Variants in PRKCE observed in about 807,000 individuals in gnomAD.
PRKCE encodes protein kinase C epsilon.
In PRKCE, 16 loss-of-function variants were observed where a neutral mutation model predicts 85.4. The observed-to-expected ratio is 0.19, with a 90% confidence interval of 0.13 to 0.28. The LOEUF (loss-of-function observed/expected upper bound fraction) is 0.28, where lower values mean the gene tolerates loss of function less well. Among genes scored for constraint, PRKCE ranks in the 10% least tolerant of loss-of-function variants. PRKCE has a pLI of 1.00. For missense variants in PRKCE, 573 were observed against 975.2 expected (o/e 0.59, Z 5.49); for synonymous variants, 388 against 371.5 (o/e 1.04, Z -0.51).
intron 11 of PRKCE, among the ~76,000 whole-genome samples, chr2:46,144,635 G>A (rs1675889602): frequency 6.6e-6 from 1 of 152,186 alleles, no homozygotes; most frequent in African/African-American, 2.4e-5. Flanking sequence ...CTCTCATAGT[G>A]TTCTATAAAG....
At chr2:46,070,325 A>G (rs1447740289) in intron 10 of PRKCE, among the ~76,000 whole-genome samples, 1 of 152,216 alleles carries the variant, frequency 6.6e-6, no homozygotes, top group Admixed American at 6.5e-5. Context: ...AGCCTCAAGC[A>G]CCTTCATTTT....
intron 1 of PRKCE, among the ~76,000 whole-genome samples, chr2:45,723,655 AGTGCAGTGGC>A (rs1348482081): frequency 6.6e-6 from 1 of 152,080 alleles, no homozygotes; most frequent in Non-Finnish European, 1.5e-5. Context: ...CCCAGGCTGG[AGTGCAGTGGC>A]GCGATCTCGG....
chr2:45,896,519 C>G (rs1188824997), intron 2 of PRKCE, among the ~76,000 whole-genome samples: 1 of 152,156 alleles, frequency 6.6e-6, no homozygotes. Flanking sequence ...CTTCTCTTTT[C>G]TGACTTTTAT....
intron 2 of PRKCE, among the ~76,000 whole-genome samples, chr2:45,949,377 G>A (rs1163997888): frequency 1.4e-5 from 2 of 143,920 alleles, no homozygotes; most frequent in East Asian, 2.0e-4. Flanking sequence ...ACTATTGGCC[G>A]ATGAATTGTT....
intron 1 of PRKCE, among the ~76,000 whole-genome samples, chr2:45,821,030 A>T (rs570928198): frequency 6.6e-6 from 1 of 152,262 alleles, no homozygotes; most frequent in Non-Finnish European, 1.5e-5. Flanking sequence ...TTTGAGCCCC[A>T]AGGGTCAGGG....
intron 1 of PRKCE, among the ~76,000 whole-genome samples, chr2:45,716,126 C>T (rs1558588621): frequency 6.6e-6 from 1 of 152,202 alleles, no homozygotes; most frequent in Admixed American, 6.5e-5. Context: ...AATAGGGGCC[C>T]AGGCAGAACT....
chr2:46,048,637 G>A (rs1239166199), intron 10 of PRKCE, among the ~76,000 whole-genome samples: 3 of 152,166 alleles, frequency 2.0e-5, no homozygotes, highest in Non-Finnish European at 4.4e-5. Context: ...AGGGGGAGAC[G>A]GATGATAGCT....
In PRKCE at chr2:45,971,099, C is replaced by T. The variant is rs151145835; in HGVS notation, c.413-5330C>T. ...TGTGTTAACTATAGGCACAAAATTG[C>T]ATGATAGATCTCTAGGACTTACTCA... On this transcript the variant is annotated intron_variant, in intron 2 of 14. Transcript: ENST00000306156. Among the ~76,000 whole-genome samples, 759 of 152,218 alleles carry T rather than the reference C, an allele frequency of 5.0e-3. 6 individuals are homozygous for T. The highest frequency in any genetic ancestry group is 0.045 in the Middle Eastern group (13 of 292).
chr2:46,001,206 C>T lies in PRKCE; in HGVS notation c.824-198C>T, dbSNP rs1315566509. Reference sequence around the variant, plus strand: ...GAAGTACTAGAAACAGTGGTTATCTCTGCAAGGTGGTTTAATGAATGATTT... The same window carrying T: ...GAAGTACTAGAAACAGTGGTTATCTTTGCAAGGTGGTTTAATGAATGATTT... On this transcript the variant is annotated intron_variant, in intron 6 of 14. Coordinates refer to ENST00000306156, the MANE Select transcript of PRKCE (RefSeq NM_005400.3). This position sits in a 1 kb window ranked among gnomAD's most constrained non-coding sequence, Gnocchi z 4.4. 6.6e-6 allele frequency among the ~76,000 whole-genome samples: 1 copy of T among 151,600 alleles called. No individual in the cohort carries two copies. The highest frequency in any genetic ancestry group is 1.9e-4 in the East Asian group (1 of 5,186).
At chr2:45,976,634 A>G (rs1363114817) in intron 3 of PRKCE, 46 bp downstream of exon 3, 1 of 1,582,318 alleles carries the variant, frequency 6.3e-7, no homozygotes, top group Non-Finnish European at 8.6e-7. Context: ...TCTCTGTTAC[A>G]AGATGTCGGG....
chr2:45,674,147 G>A (rs541405122), intron 1 of PRKCE, among the ~76,000 whole-genome samples: 10 of 152,290 alleles, frequency 6.6e-5, no homozygotes, highest in African/African-American at 9.6e-5. Flanking sequence ...GACTTGCGGC[G>A]AAAATGTGAA....
chr2:46,174,698 A>AT (rs945466512), intron 14 of PRKCE, among the ~76,000 whole-genome samples: 1 of 151,740 alleles, frequency 6.6e-6, no homozygotes, highest in Non-Finnish European at 1.5e-5. Flanking sequence ...ATGCTTTTTA[A>AT]TTTTTTTTGA....
In PRKCE at chr2:45,652,837, C is replaced by T. The variant is rs914219033; in HGVS notation, c.348+389C>T. Among the ~76,000 whole-genome samples, 2 of 152,170 alleles carry T rather than the reference C, an allele frequency of 1.3e-5. No homozygotes were observed. The highest frequency in any genetic ancestry group is 4.8e-5 in the African/African-American group (2 of 41,436). Reference sequence around the variant, plus strand: ...GGGTCCCTCCGTCCTTGGAAAGGCACGTGGAGCCTTTGACTGAAGGCTTCT... The same window carrying T: ...GGGTCCCTCCGTCCTTGGAAAGGCATGTGGAGCCTTTGACTGAAGGCTTCT... On this transcript the variant is annotated intron_variant, in intron 1 of 14. Transcript: ENST00000306156. This position sits in a 1 kb window ranked among gnomAD's most constrained non-coding sequence, Gnocchi z 7.7.
chr2:46,099,957 G>A lies in PRKCE; in HGVS notation c.1592+13595G>A, dbSNP rs901876925. Among the ~76,000 whole-genome samples the A allele has an allele frequency of 3.3e-5, 5 of 152,284 alleles. No homozygotes were observed. The South Asian group carries it at 1.0e-3, about 32-fold the overall frequency. Reference sequence around the variant, plus strand: ...TGCAGTGGAAAGAATACAGAGTTAGGAATTAGGGACTAGAACTCTAATAAA... The same window carrying A: ...TGCAGTGGAAAGAATACAGAGTTAGAAATTAGGGACTAGAACTCTAATAAA... On this transcript the variant is annotated intron_variant, in intron 11 of 14. Coordinates refer to ENST00000306156, the MANE Select transcript of PRKCE (RefSeq NM_005400.3).
At chr2:45,955,481 A>G (rs903302947) in intron 2 of PRKCE, among the ~76,000 whole-genome samples, 2 of 152,218 alleles carry the variant, frequency 1.3e-5, no homozygotes, top group African/African-American at 4.8e-5. Flanking sequence ...TCTTATGTTT[A>G]TAGTCTCTTC....
chr2:45,902,214 T>C (rs1340538704), intron 2 of PRKCE, among the ~76,000 whole-genome samples: 1 of 152,188 alleles, frequency 6.6e-6, no homozygotes, highest in Non-Finnish European at 1.5e-5. Flanking sequence ...TCATCTCTCA[T>C]CTCTCGTAGT....
chr2:45,878,156 A>G lies in PRKCE; in HGVS notation c.412+35093A>G, dbSNP rs561224200. On this transcript the variant is annotated intron_variant, in intron 2 of 14. Coordinates refer to ENST00000306156, the MANE Select transcript of PRKCE (RefSeq NM_005400.3). ...TCATCACCTCAGTCATTGGCTTGCCATGTGGCGAGCAGCAGAACCTAGACG... is the reference window on the plus strand; with the variant it reads ...TCATCACCTCAGTCATTGGCTTGCCGTGTGGCGAGCAGCAGAACCTAGACG... Among the ~76,000 whole-genome samples, 16 of 152,388 alleles carry G rather than the reference A, an allele frequency of 1.0e-4. 1 individual carries two copies. The highest frequency in any genetic ancestry group is 3.6e-4 in the African/African-American group (15 of 41,596).
chr2:45,713,590 T>G (rs1327999335), intron 1 of PRKCE, among the ~76,000 whole-genome samples: 5 of 152,200 alleles, frequency 3.3e-5, no homozygotes, highest in African/African-American at 1.2e-4. Flanking sequence ...GAAGAAGGGA[T>G]CCACTGGCAT....
At chr2:46,031,591 C>CGTATGTGT (rs1491470356) in intron 10 of PRKCE, among the ~76,000 whole-genome samples, 5 of 144,028 alleles carry the variant, frequency 3.5e-5, no homozygotes, top group East Asian at 2.1e-4. Flanking sequence ...ACATTCTGCT[C>CGTATGTGT]GTGTGTGTGT....
Sources: allele counts gnomAD v4.1 joint callset (sites outside exome capture counted in the v4.1 genomes callset), GRCh38; gene constraint gnomAD v4.1.1; non-coding constraint Gnocchi (gnomAD v3.1); transcripts MANE v1.5; gene names NCBI Gene and HGNC (gene_info 2026-07-23, HGNC 2026-07-21).